The following VCAN variants were observed in gnomAD, a reference collection of about 807,000 sequenced individuals.
The protein encoded by VCAN is versican core protein.
VCAN carries 44 observed loss-of-function variants against 245.5 expected under a neutral mutation model. The ratio of observed to expected loss-of-function variants is 0.18; its 90% CI spans 0.14 to 0.23. The LOEUF is 0.23. VCAN is among the 10% of genes least tolerant of loss of function. The probability of loss-of-function intolerance (pLI) is 1.00; values close to 1 mark genes in which losing one functional copy is unlikely to be tolerated. For synonymous variants in VCAN, 1,413 were observed against 1,437.0 expected (o/e 0.98, Z 0.38); for missense variants, 3,793 against 4,057.9 (o/e 0.93, Z 1.77).
At chr5:83,484,400 C>A (rs1352310399) in intron 2 of VCAN, among the ~76,000 whole-genome samples, 1 of 151,970 alleles carries the variant, frequency 6.6e-6, no homozygotes, top group Non-Finnish European at 1.5e-5. Flanking sequence ...GTTTGCTTAT[C>A]AACATCTATC....
chr5:83,544,468 T>G (rs1747126119), intron 8 of VCAN, among the ~76,000 whole-genome samples: 2 of 152,236 alleles, frequency 1.3e-5, no homozygotes, highest in South Asian at 2.1e-4. Context: ...CCTGATATTC[T>G]TTAAGCTAAT....
At chr5:83,548,759 C>T (rs900298433) in intron 10 of VCAN, among the ~76,000 whole-genome samples, 2 of 152,144 alleles carry the variant, frequency 1.3e-5, no homozygotes, top group East Asian at 3.9e-4. Context: ...TTTGGAATGT[C>T]GATTTCCTCT....
chr5:83,580,661 G>C lies in VCAN; in HGVS notation c.*227G>C. 1.7e-6 allele frequency: 1 copy of C among 591,758 alleles called. No individual in the cohort carries two copies. Among genetic ancestry groups the C allele is most frequent in the South Asian group, 1.9e-5 (1 of 51,930 alleles). 36.7% of individuals were successfully genotyped at this position (591,758 alleles called of 1,614,324 possible). A position where few individuals can be genotyped will look rare whatever the true frequency, so the allele number is the denominator to read the frequency against. On this transcript the variant is annotated 3_prime_UTR_variant, in exon 15 of 15. Transcript: ENST00000265077. ...TGAGAGCAGAAAGTAAGCATTTCCA[G>C]CCTATCTAATTTCTTTAGTTTTCTA...
At chr5:83,477,938 A>T (rs1744454461) in intron 1 of VCAN, among the ~76,000 whole-genome samples, 1 of 151,030 alleles carries the variant, frequency 6.6e-6, no homozygotes, top group East Asian at 1.9e-4. Context: ...TAACAAAAAA[A>T]AATAATTTTT....
At chr5:83,551,422 G>C (rs1747465915) in intron 10 of VCAN, among the ~76,000 whole-genome samples, 1 of 151,882 alleles carries the variant, frequency 6.6e-6, no homozygotes, top group Non-Finnish European at 1.5e-5. Context: ...TGAGGCAGGA[G>C]ACTCACTTGA....
chr5:83,577,358 A>G (rs1490082238), intron 13 of VCAN, among the ~76,000 whole-genome samples: 1 of 152,198 alleles, frequency 6.6e-6, no homozygotes, highest in Non-Finnish European at 1.5e-5. Context: ...TGTTTTGCAC[A>G]TAGAGCATTT....
chr5:83,553,407 G>A lies in VCAN; in HGVS notation c.9537G>A (p.Gln3179=), dbSNP rs1747546673. Residue 3179 remains glutamine, a synonymous_variant, in exon 11 of 15, where the codon CAG becomes CAA. Transcript: ENST00000265077. ...ATGGCTGGCACAAATTCCAAGGGCA[G>A]TGCTACAAATACTTTGCCCATCGAC... The part of the protein sequence containing the change: ...CDYGWHKFQG[Q]CYKYFAHRRT... The A allele has an allele frequency of 1.2e-6, 2 of 1,614,032 alleles. No homozygotes were observed. The highest frequency in any genetic ancestry group is 4.5e-5 in the East Asian group (2 of 44,862).
intron 5 of VCAN, among the ~76,000 whole-genome samples, chr5:83,500,357 T>A (rs1745294112): frequency 6.6e-6 from 1 of 152,188 alleles, no homozygotes. Flanking sequence ...GAGTTGCTTC[T>A]GTGTACAGTG....
At chr5:83,553,633 T>A in intron 11 of VCAN, 111 bp downstream of exon 11, 1 of 1,381,088 alleles carries the variant, frequency 7.2e-7, no homozygotes, top group Non-Finnish European at 1.0e-6. Flanking sequence ...ATACAACTTA[T>A]CAAATCCCTC....
At chr5:83,547,782 A>T (rs116424359) in intron 9 of VCAN, among the ~76,000 whole-genome samples, 189 bp from the exon 10 acceptor site, 1 of 152,244 alleles carries the variant, frequency 6.6e-6, no homozygotes, top group Non-Finnish European at 1.5e-5. Flanking sequence ...TAAAAACGAA[A>T]TAACTTTGTA....
chr5:83,473,676 C>G (rs1226219603), intron 1 of VCAN, among the ~76,000 whole-genome samples: 1 of 152,216 alleles, frequency 6.6e-6, no homozygotes, highest in Non-Finnish European at 1.5e-5. Context: ...ACAAGACTTG[C>G]AGAACCTAGA....
intron 10 of VCAN, among the ~76,000 whole-genome samples, chr5:83,551,470 C>T (rs1208579121): frequency 6.6e-6 from 1 of 151,764 alleles, no homozygotes; most frequent in Non-Finnish European, 1.5e-5. Flanking sequence ...CAAGATCATG[C>T]CACTGCACTC....
At chr5:83,517,351 A>G in intron 6 of VCAN, among the ~76,000 whole-genome samples, 1 of 152,204 alleles carries the variant, frequency 6.6e-6, no homozygotes, top group East Asian at 1.9e-4. Flanking sequence ...AGTTAATTTC[A>G]TCAGCCAAGG....
In VCAN at chr5:83,541,468, C is replaced by T. The variant is rs978102571; in HGVS notation, c.8465C>T (p.Ser2822Phe). The change falls in exon 8 of 15, where the codon TCT becomes TTT. Residue 2822 changes from serine to phenylalanine, a missense_variant. This residue lies in a region of VCAN where 3,182 missense variants were observed against 3,250.3 expected (regional missense o/e 0.98). Transcript: ENST00000265077. ...GTTTCAACATTTGCGAAGTTGTCTTCTCAGACACCATCATCTCCCCTCACT... is the reference window on the plus strand; with the variant it reads ...GTTTCAACATTTGCGAAGTTGTCTTTTCAGACACCATCATCTCCCCTCACT... ...LAVSTFAKLS[S>F]QTPSSPLTIY... is the part of the protein sequence containing the mutation. 21 of 1,614,084 alleles carry T rather than the reference C, an allele frequency of 1.3e-5. No individual in the cohort carries two copies. The highest frequency in any genetic ancestry group is 1.7e-5 in the Non-Finnish European group (20 of 1,179,996).
chr5:83,522,401 C>A (rs1459894696), intron 7 of VCAN, 92 bp downstream of exon 7: 3 of 1,352,976 alleles, frequency 2.2e-6, no homozygotes, highest in Non-Finnish European at 3.1e-6. Context: ...ATACCAAATG[C>A]TGCTATTAGA....
intron 7 of VCAN, among the ~76,000 whole-genome samples, chr5:83,530,612 C>T (rs1405932802): frequency 1.3e-5 from 2 of 152,066 alleles, no homozygotes; most frequent in African/African-American, 4.8e-5. Flanking sequence ...AAGACATTGC[C>T]TATTTTTGTC....
chr5:83,541,218 C>A lies in VCAN; in HGVS notation c.8215C>A (p.Pro2739Thr). 4 of 1,613,900 alleles carry A rather than the reference C, an allele frequency of 2.5e-6. No individual in the cohort carries two copies. Among genetic ancestry groups the A allele is most frequent in the Admixed American group, 1.7e-5 (1 of 59,948 alleles). Reference sequence around the variant, plus strand: ...TATTGCAGACCAAAGTGAAATAATACCAACATTGGGCCAATTTGAAAGGAC... The same window carrying A: ...TATTGCAGACCAAAGTGAAATAATAACAACATTGGGCCAATTTGAAAGGAC... Reference protein sequence around the residue: ...QAIADQSEIIPTLGQFERTQE... With the variant: ...QAIADQSEIITTLGQFERTQE... Residue 2739 changes from proline (P) to threonine (T), a missense_variant, in exon 8 of 15, where the codon CCA (proline) becomes ACA (threonine). By Grantham distance (38) the Pro-to-Thr change is conservative. Transcript: ENST00000265077.
At chr5:83,553,328 T>C in intron 10 of VCAN, 36 bp from the exon 11 acceptor site, 5 of 1,613,374 alleles carry the variant, frequency 3.1e-6, no homozygotes, top group African/African-American at 1.3e-5. Context: ...GAATGACGTA[T>C]GTGCGTTTAA....
chr5:83,519,789 G>A lies in VCAN; in HGVS notation c.1483G>A (p.Val495Met). 1 of 1,614,150 alleles carries A rather than the reference G, an allele frequency of 6.2e-7. No individual in the cohort carries two copies. ...GGTTACACAGATTGAACAAATAGAA[G>A]TGGGTCCTTTGGTAACATCTATGGA... ...ESVTQIEQIEVGPLVTSMEIL... is the reference protein window; with the variant it reads ...ESVTQIEQIEMGPLVTSMEIL... The change falls in exon 7 of 15, where the codon GTG (valine) becomes ATG (methionine). Residue 495 changes from valine to methionine, a missense_variant. Transcript: ENST00000265077.
Sources: allele counts gnomAD v4.1 joint callset (sites outside exome capture counted in the v4.1 genomes callset), GRCh38; gene constraint gnomAD v4.1.1; regional missense constraint gnomAD v4.1.1; transcripts MANE v1.5; gene names NCBI Gene and HGNC (gene_info 2026-07-23, HGNC 2026-07-21).